Variants in SLC14A2 observed in about 807,000 individuals in gnomAD.
SLC14A2 encodes urea transporter 2.
In SLC14A2, 91 loss-of-function variants were observed where a neutral mutation model predicts 104.6. That is an observed-to-expected ratio of 0.87 (90% CI 0.73 to 1.04). SLC14A2 has a LOEUF of 1.04. Among genes scored for constraint, SLC14A2 ranks in the 50% least tolerant of loss-of-function variants. SLC14A2 has a pLI of 0.00. For missense variants in SLC14A2, 1,189 were observed against 1,156.0 expected (o/e 1.03, Z -0.41); for synonymous variants, 476 against 466.4 (o/e 1.02, Z -0.27).
chr18:45,221,679 T>C (rs1437850236), intron 1 of SLC14A2, among the ~76,000 whole-genome samples: 1 of 152,068 alleles, frequency 6.6e-6, no homozygotes, highest in African/African-American at 2.4e-5. Context: ...AGCAGGAAAG[T>C]TTCAGTGCAA....
rs571192764 is a variant in SLC14A2, at chr18:45,258,796, G to A, written c.-125+45605G>A. Among the ~76,000 whole-genome samples, 126 of 103,118 alleles carry A rather than the reference G, an allele frequency of 1.2e-3. 14 individuals carry two copies. The highest frequency in any genetic ancestry group is 9.5e-3 in the Middle Eastern group (2 of 210). 67.6% of individuals were successfully genotyped at this position (103,118 alleles called of 152,430 possible). Reference sequence around the variant, plus strand: ...TGACAGCTCAGTGAGGGAGATGGAAGTTGTCTCTCCCCTTTCCAAAGATGA... The same window carrying A: ...TGACAGCTCAGTGAGGGAGATGGAAATTGTCTCTCCCCTTTCCAAAGATGA... On this transcript the variant is annotated intron_variant, in intron 1 of 20. Coordinates refer to the SLC14A2 transcript ENST00000586448.
intron 1 of SLC14A2, among the ~76,000 whole-genome samples, chr18:45,468,899 C>G (rs1285988447): frequency 6.6e-6 from 1 of 152,200 alleles, no homozygotes; most frequent in African/African-American, 2.4e-5. Context: ...GACATAATCC[C>G]TGAGGTGTCA....
At chr18:45,196,292 G>A in the SLC14A2 span, among the ~76,000 whole-genome samples, 234 of 152,340 alleles carry the variant, frequency 1.5e-3, 2 homozygotes, top group African/African-American at 5.2e-3. Context: ...TTAGTTACGA[G>A]TTTGCTGAGA....
the SLC14A2 span, among the ~76,000 whole-genome samples, chr18:45,177,450 T>C: frequency 6.6e-6 from 1 of 152,174 alleles, no homozygotes; most frequent in African/African-American, 2.4e-5. Context: ...AGGCTACTTT[T>C]CCAAAGCCTT....
At chr18:45,307,976 G>T (rs1037981047) in intron 1 of SLC14A2, among the ~76,000 whole-genome samples, 1 of 152,180 alleles carries the variant, frequency 6.6e-6, no homozygotes, top group African/African-American at 2.4e-5. Context: ...AAGGTGAAGA[G>T]GTAGCAGACA....
In SLC14A2 at chr18:45,369,531, G is replaced by A. The variant is rs74356953; in HGVS notation, c.-124-113702G>A. The stretch of plus-strand genomic sequence containing the variant: ...ATATGGTTGGGTTGACTGAAGAATC[G>A]TGTTCCAACGAGGATAAACTAAGAT... On this transcript the variant is annotated intron_variant, in intron 1 of 20. Coordinates refer to the SLC14A2 transcript ENST00000586448. Among the ~76,000 whole-genome samples, 563 of 152,224 alleles carry A rather than the reference G, an allele frequency of 3.7e-3. 2 individuals are homozygous for A. The highest frequency in any genetic ancestry group is 0.013 in the African/African-American group (547 of 41,542).
chr18:45,593,786 G>C (rs188731758), intron 2 of SLC14A2, among the ~76,000 whole-genome samples: 22 of 152,252 alleles, frequency 1.4e-4, no homozygotes, highest in Non-Finnish European at 2.6e-4. Flanking sequence ...ACCGCGCCCT[G>C]CCGCATTTCC....
At chr18:45,644,974 C>T (rs906078745) in intron 10 of SLC14A2, among the ~76,000 whole-genome samples, 5 of 151,966 alleles carry the variant, frequency 3.3e-5, no homozygotes, top group African/African-American at 1.2e-4. Context: ...GGTTTTAAGC[C>T]CCACGTGCAT....
chr18:45,642,988 C>T, intron 8 of SLC14A2, 144 bp from the exon 9 acceptor site: 1 of 685,216 alleles, frequency 1.5e-6, no homozygotes, highest in Non-Finnish European at 2.6e-6. Context: ...AGCATGCCAG[C>T]TGTCAGGGCA....
chr18:45,572,892 A>G (rs993298818), intron 2 of SLC14A2, among the ~76,000 whole-genome samples: 2 of 152,216 alleles, frequency 1.3e-5, no homozygotes, highest in Admixed American at 6.5e-5. Flanking sequence ...AAAAAATTCT[A>G]TAAGGATGAG....
chr18:45,245,603 C>T (rs1434718863), intron 1 of SLC14A2, among the ~76,000 whole-genome samples: 1 of 152,184 alleles, frequency 6.6e-6, no homozygotes, highest in Non-Finnish European at 1.5e-5. Context: ...TCTGACTTGG[C>T]CTTTACTTTC....
At chr18:45,433,429 G>A (rs768595266) in intron 1 of SLC14A2, among the ~76,000 whole-genome samples, 22 of 152,152 alleles carry the variant, frequency 1.4e-4, no homozygotes, top group Non-Finnish European at 2.6e-4. Context: ...TTAGTCATAC[G>A]TGAGAGGTAT....
chr18:45,228,317 A>G (rs1395221652), intron 1 of SLC14A2, among the ~76,000 whole-genome samples: 1 of 152,210 alleles, frequency 6.6e-6, no homozygotes, highest in Non-Finnish European at 1.5e-5. Flanking sequence ...TATAATGGTC[A>G]GAAACTTTTC....
At chr18:45,651,720 C>T (rs749525599) in intron 10 of SLC14A2, among the ~76,000 whole-genome samples, 1 of 152,040 alleles carries the variant, frequency 6.6e-6, no homozygotes, top group Non-Finnish European at 1.5e-5. Context: ...GCCCTGAGTT[C>T]CCATGGAGGA....
intron 2 of SLC14A2, among the ~76,000 whole-genome samples, chr18:45,497,550 C>T (rs1316288919): frequency 1.3e-5 from 2 of 152,182 alleles, no homozygotes; most frequent in Non-Finnish European, 2.9e-5. Context: ...GACAAGGCCT[C>T]TCTGTTGACA....
At chr18:45,249,831 C>G (rs2084403812) in intron 1 of SLC14A2, among the ~76,000 whole-genome samples, 1 of 152,046 alleles carries the variant, frequency 6.6e-6, no homozygotes, top group Non-Finnish European at 1.5e-5. Context: ...CACCTGTAGT[C>G]CTAGCTACTA....
At chr18:45,314,643 AC>A (rs1449938444) in intron 1 of SLC14A2, among the ~76,000 whole-genome samples, 1 of 152,176 alleles carries the variant, frequency 6.6e-6, no homozygotes, top group Non-Finnish European at 1.5e-5. Context: ...GTCCTGACAA[AC>A]TTGCCCCACT....
At chr18:45,539,141 G>A (rs145383819) in intron 2 of SLC14A2, among the ~76,000 whole-genome samples, 13 of 151,982 alleles carry the variant, frequency 8.6e-5, no homozygotes, top group Non-Finnish European at 1.6e-4. Context: ...TCCTCTGGGA[G>A]CCCAGAGGAA....
chr18:45,268,560 C>T (rs2084616513), intron 1 of SLC14A2, among the ~76,000 whole-genome samples: 1 of 152,164 alleles, frequency 6.6e-6, no homozygotes, highest in Non-Finnish European at 1.5e-5. Context: ...CCCCTTTGTC[C>T]TGGTGTCTCT....
Sources: gnomAD v4.1 joint callset for allele counts (sites outside exome capture counted in the v4.1 genomes callset) on GRCh38, gnomAD v4.1.1 for gene constraint, MANE v1.5 for transcripts, NCBI Gene and HGNC (gene_info 2026-07-23, HGNC 2026-07-21) for gene names.